PKD1L1: variants seen among roughly 807,000 people sequenced by gnomAD.
PKD1L1 encodes polycystin-1-like protein 1.
In PKD1L1, 236 loss-of-function variants were observed where a neutral mutation model predicts 323.4. That is an observed-to-expected ratio of 0.73 (90% CI 0.66 to 0.81). The LOEUF is 0.81. Among genes scored for constraint, PKD1L1 ranks in the 40% least tolerant of loss-of-function variants. PKD1L1 has a pLI of 0.00. For missense variants in PKD1L1, 3,320 were observed against 3,508.0 expected (o/e 0.95, Z 1.35); for synonymous variants, 1,344 against 1,335.0 (o/e 1.01, Z -0.15).
Position 47,801,513 on chromosome 7 carries a change from G to A in PKD1L1, c.7963-634C>T, listed in dbSNP as rs138678194. Among the ~76,000 whole-genome samples the A allele has an allele frequency of 2.6e-4, 39 of 152,236 alleles. No homozygotes were observed. The East Asian group carries it at 6.4e-3, about 25-fold the overall frequency. On this transcript the variant is annotated intron_variant, in intron 53 of 56. Coordinates refer to ENST00000289672, the MANE Select transcript of PKD1L1 (RefSeq NM_138295.5). ...CTGGATGTCAGACCATCAGGCGGTCGTCCCATAGGTCCACATGGGGCTGTG... is the reference window on the plus strand; with the variant it reads ...CTGGATGTCAGACCATCAGGCGGTCATCCCATAGGTCCACATGGGGCTGTG...
chr7:47,820,886 A>G (rs1387892954), intron 46 of PKD1L1, among the ~76,000 whole-genome samples, 190 bp downstream of exon 46: 2 of 152,150 alleles, frequency 1.3e-5, no homozygotes, highest in African/African-American at 4.8e-5. Flanking sequence ...TTGTTTTGCT[A>G]TTTACCCCAA....
rs142085462 is a variant in PKD1L1 at position 47,885,128 on chromosome 7, G to A, written c.3206-471C>T. Among the ~76,000 whole-genome samples, 1,343 of 152,218 alleles carry A rather than the reference G, an allele frequency of 8.8e-3. 18 individuals carry two copies. Among genetic ancestry groups the A allele is most frequent in the African/African-American group, 0.03 (1,244 of 41,524 alleles). ...TCCCAGAGGCAGAGGAGCTCACAGC[G>A]GTCCCTCCAGCCAGCCAGCCAAGTC... On this transcript the variant is annotated intron_variant, in intron 18 of 56. Coordinates refer to ENST00000289672, the MANE Select transcript of PKD1L1 (RefSeq NM_138295.5).
chr7:47,898,309 G>T, intron 13 of PKD1L1, 115 bp from the exon 14 acceptor site: 1 of 834,328 alleles, frequency 1.2e-6, no homozygotes, highest in Non-Finnish European at 1.9e-6. Context: ...TTTGCATAGT[G>T]ACAGAATGGT....
chr7:47,898,305 T>C (rs1583658269), intron 13 of PKD1L1, 111 bp from the exon 14 acceptor site: 1 of 884,466 alleles, frequency 1.1e-6, no homozygotes, highest in Non-Finnish European at 1.7e-6. Context: ...TTTGTTTGCA[T>C]AGTGACAGAA....
intron 4 of PKD1L1, among the ~76,000 whole-genome samples, chr7:47,934,989 G>T (rs528481124): frequency 6.6e-6 from 1 of 152,172 alleles, no homozygotes; most frequent in Admixed American, 6.5e-5. Context: ...GAGTCAATGA[G>T]CTCCCGCAGA....
Position 47,827,458 on chromosome 7 carries a change from G to A in PKD1L1, c.6746C>T (p.Ala2249Val), listed in dbSNP as rs756159956. 1.2e-6 allele frequency: 2 copies of A among 1,605,276 alleles called. No homozygotes were observed. The highest frequency in any genetic ancestry group is 1.3e-5 in the African/African-American group (1 of 75,054). Residue 2249 changes from alanine (A) to valine (V), a missense_variant, in exon 45 of 57, where the codon GCC becomes GTC. By Grantham distance (64) the Ala-to-Val change is moderately conservative. Transcript: ENST00000289672. Reference sequence around the variant, plus strand: ...GCGCAGGTGGCGAGCTTGTTGTCGGGCAGCCAAGACCTGTCAGGGACAAGA... The same window carrying A: ...GCGCAGGTGGCGAGCTTGTTGTCGGACAGCCAAGACCTGTCAGGGACAAGA... ...CAGEVEKVLA[A>V]RQQARHLRWA...
At chr7:47,883,429 C>A (rs1172630801) in intron 19 of PKD1L1, among the ~76,000 whole-genome samples, 1 of 152,196 alleles carries the variant, frequency 6.6e-6, no homozygotes, top group Admixed American at 6.5e-5. Context: ...ATTCATCCAG[C>A]CCTGCCTTAG....
chr7:47,934,022 C>G (rs1424329045), intron 4 of PKD1L1, among the ~76,000 whole-genome samples: 1 of 152,166 alleles, frequency 6.6e-6, no homozygotes, highest in Admixed American at 6.5e-5. Context: ...GTTCATTAAC[C>G]CTTTCTCCTA....
the PKD1L1 span, among the ~76,000 whole-genome samples, chr7:47,959,055 T>C: frequency 6.6e-6 from 1 of 152,184 alleles, no homozygotes; most frequent in Non-Finnish European, 1.5e-5. Context: ...AGCTCCTAAC[T>C]GCGAGTGATC....
At chr7:47,933,842 T>C (rs1787817775) in intron 4 of PKD1L1, among the ~76,000 whole-genome samples, 1 of 152,250 alleles carries the variant, frequency 6.6e-6, no homozygotes, top group South Asian at 2.1e-4. Flanking sequence ...AGATTAGGCC[T>C]GAACAGCTCC....
At chr7:47,819,646 A>G (rs747750859) in intron 46 of PKD1L1, 4 of 1,168,260 alleles carry the variant, frequency 3.4e-6, no homozygotes, top group Non-Finnish European at 4.6e-6. Flanking sequence ...CTCAGCAGAA[A>G]AAAAAAAACA....
At chr7:47,863,515 G>A (rs1325754822) in intron 26 of PKD1L1, among the ~76,000 whole-genome samples, 1 of 152,044 alleles carries the variant, frequency 6.6e-6, no homozygotes, top group African/African-American at 2.4e-5. Flanking sequence ...GAGCCAACAG[G>A]GGTCAGTCAA....
chr7:47,813,811 T>C (rs1784955876), intron 48 of PKD1L1, 120 bp downstream of exon 48: 1 of 860,742 alleles, frequency 1.2e-6, no homozygotes, highest in Non-Finnish European at 1.9e-6. Flanking sequence ...CACTGACAAT[T>C]CCAATTACCA....
chr7:47,820,765 T>C (rs1785123104), intron 46 of PKD1L1, among the ~76,000 whole-genome samples: 1 of 151,170 alleles, frequency 6.6e-6, no homozygotes, highest in Non-Finnish European at 1.5e-5. Context: ...TGAGTGTCAG[T>C]TATTACGAAC....
At chr7:47,804,952 G>A (rs954861418) in intron 52 of PKD1L1, among the ~76,000 whole-genome samples, 3 of 152,168 alleles carry the variant, frequency 2.0e-5, no homozygotes, top group Non-Finnish European at 2.9e-5. Flanking sequence ...TGGAAGGGCC[G>A]CTTTCTTGCC....
chr7:47,781,409 G>GTTTTTTTTTTT (rs60759497), intron 56 of PKD1L1, among the ~76,000 whole-genome samples: 7 of 71,770 alleles, frequency 9.8e-5, no homozygotes, highest in Non-Finnish European at 1.7e-4. Flanking sequence ...GTTTTGTTTT[G>GTTTTTTTTTTT]TTTTTTTTTT....
rs763077024 is a variant in PKD1L1, at chr7:47,827,331, GACAGAAGCCGCCACCC to G, written c.6854+3_6854+18del. The G allele has an allele frequency of 6.3e-7, 1 of 1,586,308 alleles. No homozygotes were observed. Among genetic ancestry groups the G allele is most frequent in the East Asian group, 2.3e-5 (1 of 44,100 alleles). On this transcript the variant is annotated splice_donor_5th_base_variant and intron_variant, in intron 45 of 56. Coordinates refer to ENST00000289672, the MANE Select transcript of PKD1L1 (RefSeq NM_138295.5). ...GAGCTGGAGTGGAGCAAGCCCTCCC[GACAGAAGCCGCCACCC>G]ACCTCAGGGCAGCCCGTGTGCGACT...
rs747527709 is a variant in PKD1L1, at chr7:47,929,575, G to A, written c.738-49C>T. On this transcript the variant is annotated intron_variant, in intron 6 of 56. Transcript: ENST00000289672. Reference sequence around the variant, plus strand: ...CAGATTTCATGACAGTGGACCACTGGGGTGGGAGGGCAGAAGCCAAGCAGC... The same window carrying A: ...CAGATTTCATGACAGTGGACCACTGAGGTGGGAGGGCAGAAGCCAAGCAGC... 6 of 1,512,214 alleles carry A rather than the reference G, an allele frequency of 4.0e-6. No homozygotes were observed. The East Asian group carries it at 1.4e-4, about 35-fold the overall frequency. The allele number at this position is 1,512,214 out of a possible 1,614,324, so 93.7% of individuals were successfully genotyped here. A position where few individuals can be genotyped will look rare whatever the true frequency, so the allele number is the denominator to read the frequency against.
chr7:47,845,093 C>A lies in PKD1L1; in HGVS notation c.5154-15G>T. The A allele has an allele frequency of 6.2e-7, 1 of 1,607,568 alleles. No homozygotes were observed. The highest frequency in any genetic ancestry group is 8.5e-7 in the Non-Finnish European group (1 of 1,175,344). On this transcript the variant is annotated splice_polypyrimidine_tract_variant and intron_variant, in intron 32 of 56. Transcript: ENST00000289672. Reference sequence around the variant, plus strand: ...GGCGATGGTAGCTAGGAGGGAAATGCGGATGAGGATACAGAATGTGTGGAG... The same window carrying A: ...GGCGATGGTAGCTAGGAGGGAAATGAGGATGAGGATACAGAATGTGTGGAG...
Sources: gnomAD v4.1 joint callset for allele counts (sites outside exome capture counted in the v4.1 genomes callset) on GRCh38, gnomAD v4.1.1 for gene constraint, MANE v1.5 for transcripts, NCBI Gene and HGNC (gene_info 2026-07-23, HGNC 2026-07-21) for gene names.